The following HEMK2 variants were observed in gnomAD, a reference collection of about 807,000 sequenced individuals.
HEMK2 encodes the protein HemK methyltransferase 2, ETF1 glutamine and histone H4 lysine.
the HEMK2 span, among the ~76,000 whole-genome samples, chr21:28,866,175 A>AAAAAAAAAAAAC: frequency 5.8e-3 from 443 of 76,132 alleles, 127 homozygotes; most frequent in South Asian, 0.015. Context: ...CAAAAAAAAA[A>AAAAAAAAAAAAC]ACACACACAC....
chr21:28,710,109 A>T, the HEMK2 span, among the ~76,000 whole-genome samples: 3 of 152,188 alleles, frequency 2.0e-5, no homozygotes, highest in Non-Finnish European at 4.4e-5. Flanking sequence ...CACTTTTCAG[A>T]AGAAAGTGGT....
At chr21:28,742,590 T>C in the HEMK2 span, among the ~76,000 whole-genome samples, 50 of 151,228 alleles carry the variant, frequency 3.3e-4, no homozygotes, top group African/African-American at 1.2e-3. Context: ...AGAGTAAACA[T>C]GAAAAAAATG....
the HEMK2 span, among the ~76,000 whole-genome samples, chr21:28,815,727 T>A: frequency 6.6e-6 from 1 of 151,980 alleles, no homozygotes; most frequent in Admixed American, 6.5e-5. Context: ...AATATTTGAG[T>A]AAAAGCAACA....
the HEMK2 span, among the ~76,000 whole-genome samples, chr21:28,748,443 T>C: frequency 6.6e-6 from 1 of 152,128 alleles, no homozygotes; most frequent in Non-Finnish European, 1.5e-5. Flanking sequence ...ACATGGTAGG[T>C]TGGAGTAAGT....
At chr21:28,832,461 T>C in the HEMK2 span, among the ~76,000 whole-genome samples, 7 of 152,332 alleles carry the variant, frequency 4.6e-5, no homozygotes, top group African/African-American at 1.7e-4. Context: ...AATGTTGAAA[T>C]ACTTTAACTC....
At chr21:28,865,434 TG>T in the HEMK2 span, among the ~76,000 whole-genome samples, 2 of 152,252 alleles carry the variant, frequency 1.3e-5, no homozygotes, top group Admixed American at 1.3e-4. Context: ...CCCAGCATGC[TG>T]GGATTACAGG....
the HEMK2 span, among the ~76,000 whole-genome samples, chr21:28,865,280 C>T: frequency 2.6e-5 from 4 of 152,208 alleles, no homozygotes; most frequent in African/African-American, 9.7e-5. Flanking sequence ...ATTCTCCTCC[C>T]TCAGCCTCCC....
the HEMK2 span, among the ~76,000 whole-genome samples, chr21:28,858,011 A>G: frequency 1.3e-5 from 2 of 152,236 alleles, no homozygotes; most frequent in Non-Finnish European, 2.9e-5. Context: ...CTACAATCCT[A>G]CAATAAAGAT....
the HEMK2 span, among the ~76,000 whole-genome samples, chr21:28,576,454 G>A: frequency 1.1e-5 from 1 of 92,698 alleles, no homozygotes. Flanking sequence ...TTGAGATTTG[G>A]AATTTTTAAA....
the HEMK2 span, among the ~76,000 whole-genome samples, chr21:28,767,424 T>TA: frequency 0.12 from 17,964 of 146,380 alleles, 1,681 homozygotes; most frequent in African/African-American, 0.25. Context: ...GCATGAGATT[T>TA]AAAAAAAAAA....
the HEMK2 span, among the ~76,000 whole-genome samples, chr21:28,821,260 T>G: frequency 6.6e-6 from 1 of 152,142 alleles, no homozygotes. Context: ...CTAATTACAC[T>G]GCACCACAGA....
the HEMK2 span, among the ~76,000 whole-genome samples, chr21:28,665,489 C>A: frequency 1.4e-5 from 2 of 146,870 alleles, no homozygotes; most frequent in African/African-American, 5.0e-5. Context: ...GGGAGATATA[C>A]CTAATGCTAG....
At chr21:28,717,606 A>G in the HEMK2 span, among the ~76,000 whole-genome samples, 1 of 150,638 alleles carries the variant, frequency 6.6e-6, no homozygotes, top group African/African-American at 2.5e-5. Context: ...CAGCCTCCCA[A>G]GTAGCTGGGA....
At chr21:28,716,877 T>A in the HEMK2 span, among the ~76,000 whole-genome samples, 1 of 152,188 alleles carries the variant, frequency 6.6e-6, no homozygotes, top group East Asian at 1.9e-4. Context: ...ACAGTTTTGT[T>A]TGCAGTTATG....
At chr21:28,630,778 G>A in the HEMK2 span, among the ~76,000 whole-genome samples, 12 of 114,546 alleles carry the variant, frequency 1.0e-4, no homozygotes, top group East Asian at 2.8e-3. Flanking sequence ...GGGGACTGTC[G>A]TGGGGTGGGG....
chr21:28,756,252 A>G, the HEMK2 span, among the ~76,000 whole-genome samples: 1 of 152,182 alleles, frequency 6.6e-6, no homozygotes, highest in South Asian at 2.1e-4. Context: ...AGCCAACAGC[A>G]CCACTGATGG....
the HEMK2 span, among the ~76,000 whole-genome samples, chr21:28,699,799 G>A: frequency 6.6e-6 from 1 of 152,226 alleles, no homozygotes; most frequent in African/African-American, 2.4e-5. Flanking sequence ...TGCAAGAACA[G>A]ATGGTTCAGA....
the HEMK2 span, among the ~76,000 whole-genome samples, chr21:28,806,408 AC>A: frequency 6.6e-6 from 1 of 152,194 alleles, no homozygotes; most frequent in Non-Finnish European, 1.5e-5. Flanking sequence ...CCTTGTATGA[AC>A]CTGATACGGA....
chr21:28,648,415 A>C, the HEMK2 span, among the ~76,000 whole-genome samples: 1 of 152,164 alleles, frequency 6.6e-6, no homozygotes, highest in African/African-American at 2.4e-5. Context: ...TCATTTATAA[A>C]TGTCTGTCCT....
Sources: allele counts gnomAD v4.1 joint callset (sites outside exome capture counted in the v4.1 genomes callset), GRCh38; gene constraint gnomAD v4.1.1; transcripts MANE v1.5; gene names NCBI Gene and HGNC (gene_info 2026-07-23, HGNC 2026-07-21).